SPAG16: variants seen among roughly 807,000 people sequenced by gnomAD.
SPAG16 encodes sperm-associated antigen 16 protein.
Under a neutral mutation model 80.4 loss-of-function variants are expected in SPAG16, and 86 were observed. The observed-to-expected ratio is 1.07, with a 90% confidence interval of 0.90 to 1.28. The LOEUF (loss-of-function observed/expected upper bound fraction) is 1.28. Ranked by LOEUF, SPAG16 falls within the 50% of genes most tolerant of loss-of-function variation. The pLI is 0.00. For synonymous variants in SPAG16, 294 were observed against 265.9 expected, an observed-to-expected ratio of 1.11 and a Z score of -1.03; for missense variants, 870 against 765.3, an observed-to-expected ratio of 1.14 and a Z score of -1.61.
rs369004861 is a variant in SPAG16, at chr2:213,711,790, G to C, written c.1071-150695G>C. On this transcript the variant is annotated intron_variant, in intron 10 of 15. Coordinates refer to ENST00000331683, the MANE Select transcript of SPAG16 (RefSeq NM_024532.5). Reference sequence around the variant, plus strand: ...CTGCCTTGGCCTCCCAAAGTGCTGGGATTATAGGTGTGAGCCACCACGCCC... The same window carrying C: ...CTGCCTTGGCCTCCCAAAGTGCTGGCATTATAGGTGTGAGCCACCACGCCC... 4.6e-5 allele frequency among the ~76,000 whole-genome samples: 7 copies of C among 151,938 alleles called. No homozygotes were observed. The South Asian group carries it at 1.0e-3, about 23-fold the overall frequency.
chr2:213,753,104 C>G (rs2662643), intron 10 of SPAG16, among the ~76,000 whole-genome samples: 1 of 151,912 alleles, frequency 6.6e-6, no homozygotes, highest in Non-Finnish European at 1.5e-5. Context: ...GCTCCACCTC[C>G]CAGGTTCATG....
chr2:214,098,202 C>A (rs2052740005), intron 13 of SPAG16, among the ~76,000 whole-genome samples: 1 of 151,968 alleles, frequency 6.6e-6, no homozygotes, highest in South Asian at 2.1e-4. Context: ...AATAATGTCA[C>A]AGTTTACCTT....
At chr2:214,242,172 G>C (rs558108544) in intron 15 of SPAG16, among the ~76,000 whole-genome samples, 1 of 152,146 alleles carries the variant, frequency 6.6e-6, no homozygotes, top group Non-Finnish European at 1.5e-5. Context: ...CCTTTCTTCT[G>C]AGGGACTTTA....
chr2:213,856,682 C>G (rs561045189), intron 10 of SPAG16, among the ~76,000 whole-genome samples: 26 of 152,216 alleles, frequency 1.7e-4, no homozygotes, highest in Admixed American at 3.3e-4. Flanking sequence ...GCCTTGCACC[C>G]TCTGAAGCAA....
chr2:213,823,402 C>T (rs1015062646), intron 10 of SPAG16, among the ~76,000 whole-genome samples: 4 of 152,052 alleles, frequency 2.6e-5, no homozygotes, highest in African/African-American at 7.2e-5. Context: ...CTCTTGTTGC[C>T]CAGGCTGGAG....
At chr2:213,454,029 C>T (rs549317636) in intron 9 of SPAG16, among the ~76,000 whole-genome samples, 15 of 152,262 alleles carry the variant, frequency 9.9e-5, no homozygotes, top group African/African-American at 3.6e-4. Flanking sequence ...CTCCATGACT[C>T]GCTATAACCT....
intron 14 of SPAG16, among the ~76,000 whole-genome samples, chr2:214,116,210 T>C (rs936302551): frequency 1.1e-4 from 17 of 152,218 alleles, no homozygotes; most frequent in Non-Finnish European, 1.9e-4. Flanking sequence ...GTGAAGAGAC[T>C]TGTCTGCTCA....
chr2:213,999,601 A>G (rs2046691754), intron 12 of SPAG16, among the ~76,000 whole-genome samples: 1 of 152,206 alleles, frequency 6.6e-6, no homozygotes, highest in East Asian at 1.9e-4. Context: ...GAAGAGGGCC[A>G]CCGTCTTCCA....
intron 3 of SPAG16, among the ~76,000 whole-genome samples, chr2:213,298,096 C>T (rs2062583671): frequency 6.6e-6 from 1 of 152,048 alleles, no homozygotes; most frequent in South Asian, 2.1e-4. Context: ...TCATTCTTTC[C>T]ATATTCTGTA....
intron 13 of SPAG16, among the ~76,000 whole-genome samples, chr2:214,060,223 A>T (rs2050185731): frequency 6.6e-6 from 1 of 152,194 alleles, no homozygotes; most frequent in South Asian, 2.1e-4. Flanking sequence ...GGCTCTACCC[A>T]GATGCCTCCA....
chr2:214,390,781 T>C (rs959646734), intron 15 of SPAG16, among the ~76,000 whole-genome samples: 5 of 152,028 alleles, frequency 3.3e-5, no homozygotes, highest in Non-Finnish European at 7.4e-5. Context: ...CATAGTTCCA[T>C]TGGAGAGCAA....
intron 1 of SPAG16, 25 bp downstream of exon 1, chr2:213,284,644 C>A (rs771186828): frequency 1.7e-5 from 27 of 1,598,442 alleles, no homozygotes; most frequent in Admixed American, 1.0e-4. Flanking sequence ...GAGGCGCGGC[C>A]CGCTGCGCTG....
chr2:213,404,449 C>T (rs2068501150), intron 9 of SPAG16, among the ~76,000 whole-genome samples: 1 of 151,778 alleles, frequency 6.6e-6, no homozygotes, highest in South Asian at 2.1e-4. Context: ...CAAAAACAAG[C>T]AATGGGGAAA....
intron 15 of SPAG16, among the ~76,000 whole-genome samples, chr2:214,220,601 C>G (rs539142850): frequency 1.3e-5 from 2 of 152,060 alleles, no homozygotes; most frequent in Admixed American, 6.6e-5. Context: ...GTACATATCA[C>G]TAATATGGAA....
At chr2:213,584,586 T>C (rs1462107208) in intron 10 of SPAG16, among the ~76,000 whole-genome samples, 1 of 135,818 alleles carries the variant, frequency 7.4e-6, no homozygotes, top group Non-Finnish European at 1.6e-5. Context: ...GAAAAAGAAA[T>C]AAAGGAAAGG....
chr2:214,165,410 T>C (rs1372220240), intron 15 of SPAG16, among the ~76,000 whole-genome samples: 2 of 150,886 alleles, frequency 1.3e-5, no homozygotes, highest in Admixed American at 1.3e-4. Flanking sequence ...TAATGCTTAG[T>C]CCTGTTGTCT....
intron 11 of SPAG16, among the ~76,000 whole-genome samples, chr2:213,914,566 C>G (rs1296434144): frequency 6.6e-6 from 1 of 152,048 alleles, no homozygotes; most frequent in East Asian, 1.9e-4. Context: ...TCATTATAAC[C>G]AGTTAAAATT....
intron 14 of SPAG16, among the ~76,000 whole-genome samples, chr2:214,121,805 T>C (rs1237454260): frequency 6.6e-6 from 1 of 151,908 alleles, no homozygotes; most frequent in Non-Finnish European, 1.5e-5. Context: ...TTTAAAATGC[T>C]GTATAAAATT....
intron 10 of SPAG16, among the ~76,000 whole-genome samples, chr2:213,807,041 C>T (rs3886623): frequency 3.9e-5 from 6 of 152,190 alleles, no homozygotes; most frequent in Non-Finnish European, 8.8e-5. Flanking sequence ...TTACATCCCA[C>T]TGACTCTTTA....
Sources: allele counts gnomAD v4.1 joint callset (sites outside exome capture counted in the v4.1 genomes callset), GRCh38; gene constraint gnomAD v4.1.1; transcripts MANE v1.5; gene names NCBI Gene and HGNC (gene_info 2026-07-23, HGNC 2026-07-21).